The following NR2F1-AS1 variants were observed in gnomAD, a reference collection of about 807,000 sequenced individuals.
The protein encoded by NR2F1-AS1 is NR2F1 antisense RNA 1.
chr5:93,562,195 A>AAAAAAAAGAAAAGAAAAG (rs755007063), intron 2 of NR2F1-AS1, among the ~76,000 whole-genome samples: 127 of 136,696 alleles, frequency 9.3e-4, no homozygotes, highest in African/African-American at 3.3e-3. Context: ...AAAAAAAAAA[A>AAAAAAAAGAAAAGAAAAG]AAAAGAAAAG....
intron 4 of NR2F1-AS1, among the ~76,000 whole-genome samples, chr5:93,528,006 T>A (rs1751658062): frequency 6.6e-6 from 1 of 152,154 alleles, no homozygotes; most frequent in South Asian, 2.1e-4. Context: ...AGGATCTAAT[T>A]AAACTGAAGA....
chr5:93,584,993 G>A (rs1277501130), upstream of NR2F1-AS1: 2 of 983,442 alleles, frequency 2.0e-6, no homozygotes, highest in Non-Finnish European at 2.4e-6. Flanking sequence ...GAGCAGCTCG[G>A]CTCCCCCCAG....
intron 4 of NR2F1-AS1, among the ~76,000 whole-genome samples, chr5:93,510,218 G>A (rs1353322761): frequency 8.5e-5 from 13 of 152,054 alleles, no homozygotes; most frequent in Non-Finnish European, 1.6e-4. Context: ...TTAACTTTGT[G>A]TGTTCTATTT....
intron 4 of NR2F1-AS1, among the ~76,000 whole-genome samples, chr5:93,537,323 T>C (rs1235548277): frequency 6.6e-6 from 1 of 152,118 alleles, no homozygotes; most frequent in Admixed American, 6.6e-5. Flanking sequence ...CAAACTAAGA[T>C]GCTTTTACAC....
At chr5:93,417,410 C>T (rs1393567472) in intron 4 of NR2F1-AS1, among the ~76,000 whole-genome samples, 1 of 152,182 alleles carries the variant, frequency 6.6e-6, no homozygotes, top group African/African-American at 2.4e-5. Context: ...AAAACTAAAA[C>T]AGATAAAGAG....
At chr5:93,439,039 C>G (rs1193842527) in intron 4 of NR2F1-AS1, among the ~76,000 whole-genome samples, 1 of 152,102 alleles carries the variant, frequency 6.6e-6, no homozygotes, top group African/African-American at 2.4e-5. Flanking sequence ...TTTTATTTGT[C>G]AATTATACCT....
At chr5:93,541,469 C>T (rs1219692600) in intron 4 of NR2F1-AS1, among the ~76,000 whole-genome samples, 1 of 152,148 alleles carries the variant, frequency 6.6e-6, no homozygotes, top group Non-Finnish European at 1.5e-5. Flanking sequence ...TATGCCTCCT[C>T]CCTAAATGTA....
At chr5:93,584,108 G>C (rs921998481), upstream of NR2F1-AS1, 4 of 150,838 alleles carry the variant, frequency 2.7e-5, no homozygotes, top group African/African-American at 9.7e-5. Context: ...CGCCCTGCTC[G>C]GCTCACCGCG....
intron 4 of NR2F1-AS1, among the ~76,000 whole-genome samples, chr5:93,421,710 G>A (rs1462269071): frequency 1.3e-5 from 2 of 152,110 alleles, no homozygotes; most frequent in Non-Finnish European, 2.9e-5. Context: ...CTTCCCCCAG[G>A]GCCGCTCCAT....
intron 1 of NR2F1-AS1, among the ~76,000 whole-genome samples, chr5:93,575,208 G>A (rs964911444): frequency 5.3e-5 from 8 of 152,256 alleles, no homozygotes; most frequent in African/African-American, 1.9e-4. Flanking sequence ...AACATGGGGT[G>A]GGGGGAGCAT....
intron 4 of NR2F1-AS1, among the ~76,000 whole-genome samples, chr5:93,420,362 CA>C (rs935239184): frequency 2.6e-5 from 4 of 152,250 alleles, no homozygotes; most frequent in African/African-American, 9.6e-5. Flanking sequence ...CCAAATTTAC[CA>C]ATTAGGTAAG....
At chr5:93,500,129 A>G (rs1751047088) in intron 4 of NR2F1-AS1, among the ~76,000 whole-genome samples, 1 of 152,236 alleles carries the variant, frequency 6.6e-6, no homozygotes, top group Admixed American at 6.5e-5. Context: ...ACTGACAAAG[A>G]TGGCTACACC....
At chr5:93,504,729 T>C (rs1751151021) in intron 4 of NR2F1-AS1, among the ~76,000 whole-genome samples, 1 of 152,100 alleles carries the variant, frequency 6.6e-6, no homozygotes, top group Non-Finnish European at 1.5e-5. Flanking sequence ...TGAAACTTAG[T>C]CACTGTCATG....
At chr5:93,524,234 A>G (rs1237843462) in intron 4 of NR2F1-AS1, among the ~76,000 whole-genome samples, 1 of 151,896 alleles carries the variant, frequency 6.6e-6, no homozygotes, top group Non-Finnish European at 1.5e-5. Context: ...AGCCAAATCA[A>G]TCAAGCAGAA....
chr5:93,585,516 G>C (rs769381711), upstream of NR2F1-AS1: 29 of 1,568,352 alleles, frequency 1.8e-5, no homozygotes, highest in African/African-American at 6.8e-5. Context: ...TTCTCTCCCC[G>C]CGCTTCGCCC....
At chr5:93,519,020 A>T (rs1403151743) in intron 4 of NR2F1-AS1, among the ~76,000 whole-genome samples, 1 of 152,112 alleles carries the variant, frequency 6.6e-6, no homozygotes, top group African/African-American at 2.4e-5. Context: ...TCTTTCTGAG[A>T]GATTAGAATC....
chr5:93,560,739 GA>G (rs1445032216), intron 2 of NR2F1-AS1, among the ~76,000 whole-genome samples: 10 of 152,156 alleles, frequency 6.6e-5, no homozygotes, highest in Admixed American at 5.9e-4. Flanking sequence ...CTTCTTTTGA[GA>G]AATATTTAAA....
chr5:93,534,451 A>T (rs556496632), intron 4 of NR2F1-AS1, among the ~76,000 whole-genome samples: 1 of 152,326 alleles, frequency 6.6e-6, no homozygotes, highest in South Asian at 2.1e-4. Flanking sequence ...CAAATGAAGA[A>T]CTCCAATAAG....
At chr5:93,502,825 T>A (rs1454286685) in intron 4 of NR2F1-AS1, among the ~76,000 whole-genome samples, 1 of 152,134 alleles carries the variant, frequency 6.6e-6, no homozygotes, top group Non-Finnish European at 1.5e-5. Context: ...TTTTATATAA[T>A]GTTATAGTGT....
Sources: gnomAD v4.1 joint callset for allele counts (sites outside exome capture counted in the v4.1 genomes callset) on GRCh38, gnomAD v4.1.1 for gene constraint, MANE v1.5 for transcripts, NCBI Gene and HGNC (gene_info 2026-07-23, HGNC 2026-07-21) for gene names.